Variants in ZNF503 observed in about 807,000 individuals in gnomAD.
ZNF503 encodes NocA-like zinc finger 2.
ZNF503 carries 15 observed loss-of-function variants against 34.4 expected under a neutral mutation model. The observed-to-expected ratio is 0.44, with a 90% confidence interval of 0.29 to 0.67. ZNF503 has a LOEUF of 0.67. ZNF503 is among the 30% of genes least tolerant of loss of function. The probability of loss-of-function intolerance (pLI) is 0.13; values close to 1 mark genes in which losing one functional copy is unlikely to be tolerated. For synonymous variants in ZNF503, 580 were observed against 456.8 expected, an observed-to-expected ratio of 1.27 and a Z score of -3.44; for missense variants, 1,007 against 926.8, an observed-to-expected ratio of 1.09 and a Z score of -1.12.
At chr10:75,339,105 C>T in the ZNF503 span, among the ~76,000 whole-genome samples, 1 of 152,148 alleles carries the variant, frequency 6.6e-6, no homozygotes, top group Non-Finnish European at 1.5e-5. Context: ...ATGGTACACA[C>T]CTGTAATCCC....
At chr10:75,389,011 C>T in the ZNF503 span, among the ~76,000 whole-genome samples, 2 of 152,316 alleles carry the variant, frequency 1.3e-5, no homozygotes, top group African/African-American at 2.4e-5. Context: ...GTTGAGGTTT[C>T]TGCATCCTTC....
the ZNF503 span, among the ~76,000 whole-genome samples, chr10:75,365,887 A>G: frequency 6.6e-6 from 1 of 152,162 alleles, no homozygotes; most frequent in South Asian, 2.1e-4. Flanking sequence ...CTGATTAACC[A>G]ATGAAGGGTG....
the ZNF503 span, among the ~76,000 whole-genome samples, chr10:75,329,091 GTTTTATAGTAAAAGATCA>G: frequency 6.6e-6 from 1 of 151,788 alleles, no homozygotes; most frequent in Non-Finnish European, 1.5e-5. Context: ...TTTCATCAGT[GTTTTATAGTAAAAGATCA>G]TAGAGATCTT....
At chr10:75,332,836 T>A in the ZNF503 span, among the ~76,000 whole-genome samples, 8 of 144,824 alleles carry the variant, frequency 5.5e-5, no homozygotes, top group South Asian at 9.3e-4. Context: ...GGAATTTTTC[T>A]TAGTGCAGAA....
chr10:75,347,537 T>C, the ZNF503 span, among the ~76,000 whole-genome samples: 1 of 152,192 alleles, frequency 6.6e-6, no homozygotes, highest in African/African-American at 2.4e-5. Context: ...GGGGCCAGCC[T>C]AGGGGGCAGG....
chr10:75,318,693 A>T, the ZNF503 span, among the ~76,000 whole-genome samples: 4 of 151,138 alleles, frequency 2.6e-5, no homozygotes, highest in Non-Finnish European at 5.9e-5. Flanking sequence ...AAAAAGTAAG[A>T]TAATTTGTCA....
At chr10:75,373,868 C>T in the ZNF503 span, among the ~76,000 whole-genome samples, 2 of 152,218 alleles carry the variant, frequency 1.3e-5, no homozygotes, top group African/African-American at 4.8e-5. Flanking sequence ...CTCCTTACCT[C>T]CCTCTATCCC....
At chr10:75,368,996 C>T in the ZNF503 span, among the ~76,000 whole-genome samples, 1 of 152,176 alleles carries the variant, frequency 6.6e-6, no homozygotes, top group Admixed American at 6.5e-5. Flanking sequence ...ACATCAATTA[C>T]AGCACATCTG....
At chr10:75,353,249 G>C in the ZNF503 span, among the ~76,000 whole-genome samples, 2 of 152,166 alleles carry the variant, frequency 1.3e-5, no homozygotes, top group Non-Finnish European at 2.9e-5. Context: ...CAGCAGTGCC[G>C]TGTGCCTCCA....
chr10:75,367,255 C>T, the ZNF503 span, among the ~76,000 whole-genome samples: 1 of 152,172 alleles, frequency 6.6e-6, no homozygotes, highest in Non-Finnish European at 1.5e-5. Context: ...GATGAGACCT[C>T]CCTCTCTGGC....
At chr10:75,382,450 C>A in the ZNF503 span, 1 of 517,280 alleles carries the variant, frequency 1.9e-6, no homozygotes, top group South Asian at 1.7e-5. Context: ...TCTTTACCTC[C>A]TCTCTGGCTG....
the ZNF503 span, among the ~76,000 whole-genome samples, chr10:75,328,638 G>A: frequency 4.0e-5 from 6 of 151,044 alleles, no homozygotes; most frequent in East Asian, 5.8e-4. Flanking sequence ...TATGGAGAAT[G>A]TTATTGATAT....
At chr10:75,360,879 A>G in the ZNF503 span, 1 of 152,246 alleles carries the variant, frequency 6.6e-6, no homozygotes, top group Non-Finnish European at 1.5e-5. Flanking sequence ...ATGATTTGAC[A>G]TACCTTAGAG....
Position 75,401,097 on chromosome 10 carries a change from G to A in ZNF503, c.315+8C>T, listed in dbSNP as rs747061781. ...GGTCCCAGTGCGATCCAGAGAGAGG[G>A]TCCTTACCTCGATGGGGCTGACCGG... On this transcript the variant is annotated splice_region_variant and intron_variant, in intron 1 of 1. Coordinates refer to ENST00000372524, the MANE Select transcript of ZNF503 (RefSeq NM_032772.6). 6.8e-6 allele frequency: 11 copies of A among 1,613,680 alleles called. No homozygotes were observed. The highest frequency in any genetic ancestry group is 6.7e-5 in the Admixed American group (4 of 59,970).
the ZNF503 span, among the ~76,000 whole-genome samples, chr10:75,371,635 A>T: frequency 6.6e-6 from 1 of 152,148 alleles, no homozygotes; most frequent in East Asian, 1.9e-4. Context: ...CCCAGCTTGG[A>T]TCAGGTAGGT....
the ZNF503 span, among the ~76,000 whole-genome samples, chr10:75,389,079 C>T: frequency 6.6e-6 from 1 of 152,156 alleles, no homozygotes; most frequent in Non-Finnish European, 1.5e-5. Context: ...ATTCCCACAC[C>T]CTAGGAATTG....
chr10:75,399,407 C>A lies in ZNF503; in HGVS notation c.1283G>T (p.Arg428Leu). The A allele has an allele frequency of 6.2e-7, 1 of 1,604,832 alleles. No homozygotes were observed. Residue 428 changes from arginine (R) to leucine (L), a missense_variant, in exon 2 of 2, where the codon CGG (arginine) becomes CTG (leucine). Transcript: ENST00000372524. Reference protein sequence around the residue: ...PPSVMTASLCRDPYCLSYHCA... With the variant: ...PPSVMTASLCLDPYCLSYHCA... ...GTGGTAGCTGAGGCAGTAAGGGTCC[C>A]GGCACAAACTGGCTGTCATCACGGA...
chr10:75,343,895 G>T, the ZNF503 span, among the ~76,000 whole-genome samples: 1,802 of 152,342 alleles, frequency 0.012, 19 homozygotes, highest in African/African-American at 0.025. Flanking sequence ...CTTGTGAATT[G>T]TGCGGGGGGT....
Position 75,401,463 on chromosome 10 carries a change from G to T in ZNF503, c.-44C>A, listed in dbSNP as rs762840921. The T allele has an allele frequency of 1.3e-6, 2 of 1,506,676 alleles. No homozygotes were observed. The highest frequency in any genetic ancestry group is 1.4e-5 in the African/African-American group (1 of 69,078). 93.3% of individuals were successfully genotyped at this position (1,506,676 alleles called of 1,614,324 possible). A position where few individuals can be genotyped will look rare whatever the true frequency, so the allele number is the denominator to read the frequency against. On this transcript the variant is annotated 5_prime_UTR_variant, in exon 1 of 2. Coordinates refer to ENST00000372524, the MANE Select transcript of ZNF503 (RefSeq NM_032772.6). Reference sequence around the variant, plus strand: ...GGAGCAGCGGGGGGGAGGGCTCCGGGAGGCGCGGGGCGGGCTCGGGGCTGC... The same window carrying T: ...GGAGCAGCGGGGGGGAGGGCTCCGGTAGGCGCGGGGCGGGCTCGGGGCTGC...
Sources: allele counts gnomAD v4.1 joint callset (sites outside exome capture counted in the v4.1 genomes callset), GRCh38; gene constraint gnomAD v4.1.1; transcripts MANE v1.5; gene names NCBI Gene and HGNC (gene_info 2026-07-23, HGNC 2026-07-21).